The following CLCN5 variants were observed in gnomAD, a reference collection of about 807,000 sequenced individuals.
The protein encoded by CLCN5 is Cl-/H+ antiporter 5.
In CLCN5, 17 loss-of-function variants were observed where a neutral mutation model predicts 54.0. That is an observed-to-expected ratio of 0.31 (90% CI 0.22 to 0.47). The LOEUF is 0.47. Ranked by LOEUF, CLCN5 falls within the 20% of genes least tolerant of loss-of-function variation. CLCN5 has a pLI of 1.00. For synonymous variants in CLCN5, 222 were observed against 233.0 expected, an observed-to-expected ratio of 0.95 and a Z score of 0.43; for missense variants, 448 against 646.7, an observed-to-expected ratio of 0.69 and a Z score of 3.33.
At chrX:50,027,017 C>CTTTTTTTT (rs113714534) in intron 3 of CLCN5, among the ~76,000 whole-genome samples, 3 of 98,163 alleles carry the variant, frequency 3.1e-5, no homozygotes, top group African/African-American at 3.7e-5. Context: ...TTCTTTCTTT[C>CTTTTTTTT]TTTTTTTTTT....
chrX:50,044,381 A>C (rs1932325391), intron 4 of CLCN5, among the ~76,000 whole-genome samples: 1 of 111,974 alleles, frequency 8.9e-6, no homozygotes, highest in Non-Finnish European at 1.9e-5. Flanking sequence ...CTTCAGGCAG[A>C]AAGTATGCTT....
intron 3 of CLCN5, among the ~76,000 whole-genome samples, chrX:49,948,952 A>T (rs189128824): frequency 8.9e-6 from 1 of 112,587 alleles, no homozygotes; most frequent in Non-Finnish European, 1.9e-5. Context: ...TCATTTTGCA[A>T]AAGTATATTC....
At chrX:50,063,696 G>A (rs1457394017) in intron 4 of CLCN5, among the ~76,000 whole-genome samples, 1 of 108,598 alleles carries the variant, frequency 9.2e-6, no homozygotes, top group Non-Finnish European at 1.9e-5. Context: ...GCCAGGCAGA[G>A]ACACAACCAA....
chrX:49,933,740 G>A (rs1412252861), intron 3 of CLCN5, among the ~76,000 whole-genome samples: 1 of 111,996 alleles, frequency 8.9e-6, no homozygotes, highest in Admixed American at 9.5e-5. Flanking sequence ...ATGCAGCAAA[G>A]CACTTGCACA....
At position 50,078,088 on chromosome X, in the gene CLCN5, C is replaced by G. The variant is rs190796960; in HGVS notation, c.603+2106C>G. 1.6e-4 allele frequency among the ~76,000 whole-genome samples: 17 copies of G among 109,217 alleles called. No individual in the cohort carries two copies. The East Asian group carries it at 4.4e-3, about 28-fold the overall frequency. 94.8% of individuals were successfully genotyped at this position (109,217 alleles called of 115,157 possible). ...GTGAGGTGTGCCTCATGCCTGTAAT[C>G]CCAGCACTTTGGGAGGCTGAGGAGG... On this transcript the variant is annotated intron_variant, in intron 7 of 14. Transcript: ENST00000376091.
intron 3 of CLCN5, among the ~76,000 whole-genome samples, chrX:49,927,013 G>A (rs1925380976): frequency 9.0e-6 from 1 of 111,140 alleles, no homozygotes; most frequent in East Asian, 2.8e-4. Context: ...CTCTGAGATG[G>A]GGAGCATGGG....
intron 11 of CLCN5, 140 bp downstream of exon 11, chrX:50,087,010 C>G: frequency 1.7e-6 from 1 of 573,040 alleles, no homozygotes; most frequent in Admixed American, 2.8e-5. Flanking sequence ...CCCAAAGCCT[C>G]TTTTACCCCA....
intron 3 of CLCN5, among the ~76,000 whole-genome samples, chrX:50,013,825 C>A (rs1930648439): frequency 8.9e-6 from 1 of 112,389 alleles, no homozygotes; most frequent in African/African-American, 3.2e-5. Flanking sequence ...TAGGACAGAG[C>A]CTGTCCATCC....
At chrX:49,977,363 T>C (rs1465042772) in intron 3 of CLCN5, among the ~76,000 whole-genome samples, 2 of 111,681 alleles carry the variant, frequency 1.8e-5, no homozygotes, top group Non-Finnish European at 1.9e-5. Context: ...TATATATGTG[T>C]CAAGCACAGT....
At chrX:49,949,374 A>C (rs1023601671) in intron 3 of CLCN5, among the ~76,000 whole-genome samples, 1 of 112,380 alleles carries the variant, frequency 8.9e-6, no homozygotes, top group Non-Finnish European at 1.9e-5. Flanking sequence ...TGGGTAGGGC[A>C]GGAGATCCAT....
intron 3 of CLCN5, among the ~76,000 whole-genome samples, chrX:50,016,012 A>G (rs1352784465): frequency 9.0e-6 from 1 of 111,245 alleles, no homozygotes; most frequent in African/African-American, 3.3e-5. Flanking sequence ...CTAAAATCTC[A>G]TTTTGGTTAC....
chrX:50,050,000 A>G (rs1209810220), intron 4 of CLCN5, among the ~76,000 whole-genome samples: 1 of 112,069 alleles, frequency 8.9e-6, no homozygotes, highest in African/African-American at 3.2e-5. Flanking sequence ...TGCATTTAAG[A>G]TTCATCCATG....
chrX:49,978,420 A>G (rs1557177240), intron 3 of CLCN5, among the ~76,000 whole-genome samples: 1 of 112,376 alleles, frequency 8.9e-6, no homozygotes, highest in African/African-American at 3.2e-5. Flanking sequence ...GAGAGGATGC[A>G]TGTAAAGCAC....
rs781973295 is a variant in CLCN5, at chrX:50,072,534, G to A, written c.361G>A (p.Val121Met). Residue 121 changes from valine to methionine, a missense_variant, in exon 6 of 15, where the codon GTG (valine) becomes ATG (methionine). This residue lies in a region of CLCN5 where 41 missense variants were observed against 71.3 expected (regional missense o/e 0.58). Coordinates refer to ENST00000376091, the MANE Select transcript of CLCN5 (RefSeq NM_001127898.4). ...KESTWALIHS[V>M]SDAFSGWLLM... ...GTCAACATGGGCCTTAATTCACAGT[G>A]TGAGTGATGCTTTTTCCGGCTGGTT... The A allele has an allele frequency of 8.3e-7, 1 of 1,209,757 alleles. No individual in the cohort carries two copies. Among genetic ancestry groups the A allele is most frequent in the Non-Finnish European group, 1.1e-6 (1 of 893,693 alleles).
chrX:50,083,760 TG>T (rs1933790542), intron 9 of CLCN5, among the ~76,000 whole-genome samples: 1 of 112,017 alleles, frequency 8.9e-6, no homozygotes, highest in Non-Finnish European at 1.9e-5. Flanking sequence ...CATGAAGATA[TG>T]TAGGACTTCT....
intron 3 of CLCN5, among the ~76,000 whole-genome samples, chrX:49,946,717 A>G (rs1557172154): frequency 8.9e-6 from 1 of 111,831 alleles, no homozygotes; most frequent in East Asian, 2.8e-4. Context: ...AAACAAGGAC[A>G]TGAATACCAG....
rs1475327265 is a variant in CLCN5 at position 50,098,012 on chromosome X, A to G, written c.*5793A>G. On this transcript the variant is annotated 3_prime_UTR_variant, in exon 15 of 15. Coordinates refer to ENST00000376091, the MANE Select transcript of CLCN5 (RefSeq NM_001127898.4). ...CACTGTCACATTAAGGGTACCTCAA[A>G]ATACATGGTCCTTCCAGTGTGTTCC... 6.3e-5 allele frequency: 7 copies of G among 111,815 alleles called. No homozygotes were observed. Among genetic ancestry groups the G allele is most frequent in the Non-Finnish European group, 9.4e-5 (5 of 53,073 alleles). The allele number at this position is 111,815 out of a possible 1,213,427, so 9.2% of individuals were successfully genotyped here.
chrX:49,924,722 CT>C (rs1224475960), intron 2 of CLCN5, among the ~76,000 whole-genome samples: 2 of 111,520 alleles, frequency 1.8e-5, no homozygotes, highest in South Asian at 3.8e-4. Context: ...ATTCCGCTTC[CT>C]TTTTTTTCCC....
intron 3 of CLCN5, among the ~76,000 whole-genome samples, chrX:50,006,407 A>C (rs1314604983): frequency 1.8e-5 from 2 of 111,958 alleles, no homozygotes; most frequent in East Asian, 5.6e-4. Flanking sequence ...TGCACAGAGC[A>C]GAGAGTGCCT....
Sources: gnomAD v4.1 joint callset for allele counts (sites outside exome capture counted in the v4.1 genomes callset) on GRCh38, gnomAD v4.1.1 for gene constraint, gnomAD v4.1.1 regional missense constraint, MANE v1.5 for transcripts, NCBI Gene and HGNC (gene_info 2026-07-23, HGNC 2026-07-21) for gene names.